MEI4: variants seen among roughly 807,000 people sequenced by gnomAD.
MEI4 encodes the protein meiotic double-stranded break formation protein 4.
In MEI4, 27 loss-of-function variants were observed where a neutral mutation model predicts 31.4. That is an observed-to-expected ratio of 0.86 (90% CI 0.63 to 1.19). MEI4 has a LOEUF of 1.19. Among genes scored for constraint, MEI4 ranks in the 50% most tolerant of loss-of-function variants. The pLI is 0.00. For synonymous variants in MEI4, 122 were observed against 145.4 expected (o/e 0.84, Z 1.16); for missense variants, 329 against 398.9 (o/e 0.82, Z 1.49).
At chr6:77,870,269 A>G (rs1172215481) in intron 4 of MEI4, among the ~76,000 whole-genome samples, 2 of 152,180 alleles carry the variant, frequency 1.3e-5, no homozygotes, top group East Asian at 1.9e-4. Flanking sequence ...TCCCAATCAC[A>G]CAGTCACCAG....
intron 3 of MEI4, among the ~76,000 whole-genome samples, chr6:77,770,549 A>G (rs1768286797): frequency 6.6e-6 from 1 of 152,196 alleles, no homozygotes; most frequent in Non-Finnish European, 1.5e-5. Context: ...TACCCAAGGC[A>G]ATTTTAAGCA....
intron 1 of MEI4, among the ~76,000 whole-genome samples, chr6:77,683,214 A>C (rs970841798): frequency 2.0e-5 from 3 of 151,984 alleles, no homozygotes; most frequent in African/African-American, 7.3e-5. Flanking sequence ...ATGCTTCTTC[A>C]TTTTGCTTTT....
At chr6:77,725,001 A>G (rs1383850236) in intron 2 of MEI4, among the ~76,000 whole-genome samples, 4 of 138,748 alleles carry the variant, frequency 2.9e-5, no homozygotes, top group Middle Eastern at 3.6e-3. Context: ...AGCTGCTTTA[A>G]TAATGGCCCA....
At chr6:77,701,334 G>A (rs1182355554) in intron 2 of MEI4, among the ~76,000 whole-genome samples, 1 of 152,122 alleles carries the variant, frequency 6.6e-6, no homozygotes, top group African/African-American at 2.4e-5. Flanking sequence ...AGGGATTGAA[G>A]GGTTTATGGT....
chr6:77,771,839 G>A (rs1050407420), intron 3 of MEI4, among the ~76,000 whole-genome samples: 2 of 151,926 alleles, frequency 1.3e-5, no homozygotes, highest in African/African-American at 4.8e-5. Context: ...ATTGAGCACT[G>A]TGCTTAGAAC....
At chr6:77,818,598 T>A (rs1769743196) in intron 3 of MEI4, among the ~76,000 whole-genome samples, 1 of 152,146 alleles carries the variant, frequency 6.6e-6, no homozygotes, top group Non-Finnish European at 1.5e-5. Flanking sequence ...ATAGTTCACA[T>A]TTTTTTCTAT....
intron 3 of MEI4, among the ~76,000 whole-genome samples, chr6:77,768,320 G>C (rs994272396): frequency 6.6e-6 from 1 of 152,072 alleles, no homozygotes; most frequent in Non-Finnish European, 1.5e-5. Context: ...GGTAATGAAA[G>C]ACCTTAGTGC....
At chr6:77,733,431 T>G (rs1767075348) in intron 2 of MEI4, among the ~76,000 whole-genome samples, 1 of 152,140 alleles carries the variant, frequency 6.6e-6, no homozygotes, top group African/African-American at 2.4e-5. Context: ...GTTCGTAGTA[T>G]TCTCTGATGG....
At chr6:77,882,699 A>C (rs999626132) in intron 4 of MEI4, among the ~76,000 whole-genome samples, 1 of 152,118 alleles carries the variant, frequency 6.6e-6, no homozygotes, top group Non-Finnish European at 1.5e-5. Context: ...GGTTTTGTGG[A>C]AGCCTTTTCA....
At chr6:77,837,143 TG>T (rs1016574593) in intron 4 of MEI4, among the ~76,000 whole-genome samples, 17 of 152,218 alleles carry the variant, frequency 1.1e-4, no homozygotes, top group African/African-American at 3.9e-4. Flanking sequence ...TGAGCTCAGC[TG>T]GCAACGAAGA....
At chr6:77,895,313 T>C (rs1185606638) in intron 4 of MEI4, among the ~76,000 whole-genome samples, 2 of 152,162 alleles carry the variant, frequency 1.3e-5, no homozygotes, top group African/African-American at 2.4e-5. Context: ...AGGATTATTC[T>C]GAGTTGTTTC....
chr6:77,835,181 G>C (rs1007517434), intron 4 of MEI4, among the ~76,000 whole-genome samples: 4 of 150,030 alleles, frequency 2.7e-5, no homozygotes, highest in African/African-American at 9.7e-5. Flanking sequence ...TGGGCTTAAG[G>C]ATATGAAAAG....
intron 3 of MEI4, among the ~76,000 whole-genome samples, chr6:77,801,089 C>G (rs1238472386): frequency 2.6e-5 from 4 of 152,164 alleles, no homozygotes; most frequent in Non-Finnish European, 4.4e-5. Context: ...CCTTGTACCT[C>G]TGGTAGAATT....
chr6:77,871,849 T>G (rs1771201377), intron 4 of MEI4, among the ~76,000 whole-genome samples: 1 of 152,134 alleles, frequency 6.6e-6, no homozygotes, highest in African/African-American at 2.4e-5. Context: ...AGGACATAGA[T>G]GTACAAGGAC....
intron 2 of MEI4, among the ~76,000 whole-genome samples, chr6:77,735,422 G>C (rs187896068): frequency 6.6e-6 from 1 of 151,762 alleles, no homozygotes; most frequent in Admixed American, 6.6e-5. Flanking sequence ...CCAGTTGATC[G>C]CATCGGCTCC....
At chr6:77,746,636 G>GGTGT (rs1554160072) in intron 2 of MEI4, among the ~76,000 whole-genome samples, 1 of 115,088 alleles carries the variant, frequency 8.7e-6, no homozygotes, top group African/African-American at 3.7e-5. Context: ...TAAAATATAT[G>GGTGT]GCGTGTGTGT....
chr6:77,682,286 C>A (rs571279721), intron 1 of MEI4, among the ~76,000 whole-genome samples: 1 of 152,288 alleles, frequency 6.6e-6, no homozygotes, highest in African/African-American at 2.4e-5. Flanking sequence ...GCTTTCTTGG[C>A]AAGTATTTAG....
chr6:77,807,182 A>G (rs1289095077), intron 3 of MEI4, among the ~76,000 whole-genome samples: 1 of 151,290 alleles, frequency 6.6e-6, no homozygotes, highest in Non-Finnish European at 1.5e-5. Flanking sequence ...GGATGTGTGA[A>G]TCAATGAATT....
At chr6:77,893,387 G>C (rs1766010387) in intron 4 of MEI4, among the ~76,000 whole-genome samples, 1 of 152,200 alleles carries the variant, frequency 6.6e-6, no homozygotes, top group Non-Finnish European at 1.5e-5. Flanking sequence ...GATTTTGCTA[G>C]TTTGATTTTC....
Sources: allele counts gnomAD v4.1 joint callset (sites outside exome capture counted in the v4.1 genomes callset), GRCh38; gene constraint gnomAD v4.1.1; transcripts MANE v1.5; gene names NCBI Gene and HGNC (gene_info 2026-07-23, HGNC 2026-07-21).